Variants in YEATS4 observed in about 807,000 individuals in gnomAD.
YEATS4 encodes the protein YEATS domain containing 4.
Under a neutral mutation model 30.1 loss-of-function variants are expected in YEATS4, and 17 were observed. The ratio of observed to expected loss-of-function variants is 0.56; its 90% CI spans 0.39 to 0.85. The LOEUF (loss-of-function observed/expected upper bound fraction) is 0.85, where lower values mean the gene tolerates loss of function less well. YEATS4 is among the 40% of genes least tolerant of loss of function. The pLI is 0.00. For synonymous variants in YEATS4, 85 were observed against 87.5 expected (o/e 0.97, Z 0.16); for missense variants, 142 against 268.3 (o/e 0.53, Z 3.29).
chr12:69,375,058 C>G (rs1488498277), intron 6 of YEATS4, among the ~76,000 whole-genome samples: 1 of 151,082 alleles, frequency 6.6e-6, no homozygotes, highest in Admixed American at 6.6e-5. Flanking sequence ...TGCCCCCCAC[C>G]TCCCGGAGGG....
intron 4 of YEATS4, among the ~76,000 whole-genome samples, chr12:69,367,702 A>G (rs188491905): frequency 2.6e-4 from 39 of 152,264 alleles, no homozygotes; most frequent in African/African-American, 8.7e-4. Context: ...TATTTGTAAG[A>G]TATTGTTTAA....
At chr12:69,388,065 T>TTTTTA (rs1565682906) in intron 6 of YEATS4, among the ~76,000 whole-genome samples, 3 of 18,574 alleles carry the variant, frequency 1.6e-4, no homozygotes, top group Non-Finnish European at 1.3e-4. Flanking sequence ...TTATTTTTAT[T>TTTTTA]TTTTTTTTTT....
the YEATS4 span, chr12:69,423,064 A>T: frequency 6.6e-6 from 1 of 152,208 alleles, no homozygotes; most frequent in Non-Finnish European, 1.5e-5. Context: ...ATACTTTGTT[A>T]AAAAAGTAGA....
In YEATS4 at chr12:69,366,765, T is replaced by C. The variant is rs1239121938; in HGVS notation, c.333+881T>C. Among the ~76,000 whole-genome samples, 2 of 152,198 alleles carry C rather than the reference T, an allele frequency of 1.3e-5. 1 individual carries two copies. Among genetic ancestry groups the C allele is most frequent in the South Asian group, 4.1e-4 (2 of 4,832 alleles). On this transcript the variant is annotated intron_variant, in intron 4 of 6. Transcript: ENST00000247843. ...AACATTTACATTTTAATTATCAGAT[T>C]ATATTTTTTAAACTGTGTATGTATT...
intron 6 of YEATS4, among the ~76,000 whole-genome samples, chr12:69,374,661 AC>A (rs1437473437): frequency 1.0e-5 from 1 of 95,772 alleles, no homozygotes; most frequent in Non-Finnish European, 2.4e-5. Flanking sequence ...AATCCATTTA[AC>A]CCTTACACAT....
the YEATS4 span, among the ~76,000 whole-genome samples, chr12:69,423,604 G>C: frequency 2.0e-5 from 3 of 152,184 alleles, no homozygotes; most frequent in Non-Finnish European, 4.4e-5. Context: ...AGATTAGGAG[G>C]GGGTGAAGTT....
chr12:69,382,373 T>C (rs1051069108), intron 6 of YEATS4, among the ~76,000 whole-genome samples: 7 of 152,176 alleles, frequency 4.6e-5, no homozygotes, highest in Admixed American at 1.3e-4. Context: ...ATCCTGGTGC[T>C]CTGTTTTACT....
At chr12:69,381,937 T>G (rs1876096143) in intron 6 of YEATS4, among the ~76,000 whole-genome samples, 1 of 152,186 alleles carries the variant, frequency 6.6e-6, no homozygotes, top group Non-Finnish European at 1.5e-5. Flanking sequence ...CCCAATAGAC[T>G]TAATCCAAGT....
At chr12:69,372,324 T>A (rs1221416052) in intron 6 of YEATS4, among the ~76,000 whole-genome samples, 1 of 152,242 alleles carries the variant, frequency 6.6e-6, no homozygotes, top group South Asian at 2.1e-4. Flanking sequence ...GCATTTACCC[T>A]TTTTGTTACA....
the YEATS4 span, among the ~76,000 whole-genome samples, chr12:69,418,213 T>A: frequency 0.31 from 46,896 of 152,050 alleles, 7,661 homozygotes; most frequent in East Asian, 0.57. Context: ...GAAGATCCTA[T>A]GCTTGCAATA....
At chr12:69,417,922 A>T in the YEATS4 span, among the ~76,000 whole-genome samples, 1 of 151,252 alleles carries the variant, frequency 6.6e-6, no homozygotes, top group Admixed American at 6.6e-5. Flanking sequence ...AAAACTGCTG[A>T]TGGGGAAATC....
At chr12:69,399,141 C>T in the YEATS4 span, among the ~76,000 whole-genome samples, 6 of 151,550 alleles carry the variant, frequency 4.0e-5, no homozygotes, top group South Asian at 2.1e-4. Context: ...AGTGAGACTC[C>T]GTCCCCCCCA....
the YEATS4 span, among the ~76,000 whole-genome samples, chr12:69,426,858 G>A: frequency 6.6e-6 from 1 of 152,276 alleles, no homozygotes; most frequent in Admixed American, 6.5e-5. Context: ...CCTAGGATAA[G>A]CAAACATTTA....
the YEATS4 span, among the ~76,000 whole-genome samples, chr12:69,414,323 G>A: frequency 6.9e-6 from 1 of 144,328 alleles, no homozygotes; most frequent in Non-Finnish European, 1.6e-5. Flanking sequence ...TCAAGCTCCT[G>A]GGTTCAAGTG....
chr12:69,420,244 C>T, the YEATS4 span, among the ~76,000 whole-genome samples: 2 of 152,046 alleles, frequency 1.3e-5, no homozygotes, highest in African/African-American at 2.4e-5. Flanking sequence ...CAAGGAAGGA[C>T]ATTTGGATGA....
In YEATS4 at chr12:69,390,231, G is replaced by A; in HGVS notation, c.599G>A (p.Arg200Lys). The change falls in exon 7 of 7, where the codon AGA (arginine) becomes AAA (lysine). Residue 200 changes from arginine (R) to lysine (K), a missense_variant. Coordinates refer to ENST00000247843, the MANE Select transcript of YEATS4 (RefSeq NM_006530.4). ...TTTGAGATTGCAGAGCTTAAGGAGA[G>A]ATTAAAAGCAAGTCGTGAAACTATA... The part of the protein sequence containing the change: ...TSFEIAELKE[R>K]LKASRETINC... 3 of 1,602,144 alleles carry A rather than the reference G, an allele frequency of 1.9e-6. No individual in the cohort carries two copies. The highest frequency in any genetic ancestry group is 1.7e-6 in the Non-Finnish European group (2 of 1,177,080).
At chr12:69,380,508 G>C (rs1876033221) in intron 6 of YEATS4, among the ~76,000 whole-genome samples, 1 of 152,178 alleles carries the variant, frequency 6.6e-6, no homozygotes. Context: ...GATGACACAA[G>C]CACCCCTTTA....
the YEATS4 span, among the ~76,000 whole-genome samples, chr12:69,427,066 A>T: frequency 4.6e-5 from 7 of 152,130 alleles, no homozygotes; most frequent in African/African-American, 1.7e-4. Context: ...AGTTACAGCA[A>T]ATGCCCTAAG....
chr12:69,371,306 T>G (rs1179452155), intron 6 of YEATS4, among the ~76,000 whole-genome samples: 1 of 152,252 alleles, frequency 6.6e-6, no homozygotes, highest in Non-Finnish European at 1.5e-5. Context: ...TAACAAAATC[T>G]GTGTGAAGAA....
Sources: allele counts gnomAD v4.1 joint callset (sites outside exome capture counted in the v4.1 genomes callset), GRCh38; gene constraint gnomAD v4.1.1; transcripts MANE v1.5; gene names NCBI Gene and HGNC (gene_info 2026-07-23, HGNC 2026-07-21).